The following PRAMEF12 variants were observed in gnomAD, a reference collection of about 807,000 sequenced individuals.
PRAMEF12 encodes PRAME family member 12.
Under a neutral mutation model 24.6 loss-of-function variants are expected in PRAMEF12, and 24 were observed. That is an observed-to-expected ratio of 0.98 (90% CI 0.71 to 1.37). PRAMEF12 has a LOEUF of 1.37. Ranked by LOEUF, PRAMEF12 falls within the 40% of genes most tolerant of loss-of-function variation. PRAMEF12 has a pLI of 0.00. For synonymous variants in PRAMEF12, 286 were observed against 242.6 expected (o/e 1.18, Z -1.66); for missense variants, 646 against 580.3 (o/e 1.11, Z -1.16).
chr1:12,776,878 A>G (rs1639058177), intron 2 of PRAMEF12, 133 bp from the exon 3 acceptor site: 1 of 930,586 alleles, frequency 1.1e-6, no homozygotes, highest in African/African-American at 1.7e-5. Flanking sequence ...GAATGAGCAG[A>G]GTCTCCATTC....
rs949583681 is a variant in PRAMEF12 at position 12,773,856 on chromosome 1, G to GCAGC, written c.-1000_-997dup. ...CCTTAGGGTCATGCCCATCTGATCTGCAGCCAGCCAGCCAGTCAGGGATGG... is the reference window on the plus strand; with the variant it reads ...CCTTAGGGTCATGCCCATCTGATCTGCAGCCAGCCAGCCAGCCAGTCAGGGATGG... On this transcript the variant is annotated 5_prime_UTR_variant, in exon 1 of 3. Transcript: ENST00000357726. Among the ~76,000 whole-genome samples, 6 of 152,196 alleles carry GCAGC rather than the reference G, an allele frequency of 3.9e-5. No homozygotes were observed. Among genetic ancestry groups the GCAGC allele is most frequent in the East Asian group, 1.9e-4 (1 of 5,192 alleles).
Position 12,776,021 on chromosome 1 carries a change from A to C in PRAMEF12, c.766A>C (p.Ile256Leu), listed in dbSNP as rs1040429500. 1.9e-6 allele frequency: 3 copies of C among 1,614,062 alleles called. No individual in the cohort carries two copies. The African/African-American group carries it at 4.0e-5, about 22-fold the overall frequency. Residue 256 changes from isoleucine to leucine, a missense_variant, in exon 2 of 3, where the codon ATC becomes CTC. Coordinates refer to ENST00000357726, the MANE Select transcript of PRAMEF12 (RefSeq NM_001080830.5). ...CCTAGACAGGAAGGAGCAGTTTGTC[A>C]TCCAGTTCACCTCTCAGTTCCTCAA... ...IPLDRKEQFV[I>L]QFTSQFLKLD...
Position 12,776,999 on chromosome 1 carries a change from G to T in PRAMEF12, c.864-12G>T. 1 of 1,605,798 alleles carries T rather than the reference G, an allele frequency of 6.2e-7. No homozygotes were observed. The highest frequency in any genetic ancestry group is 8.5e-7 in the Non-Finnish European group (1 of 1,175,882). ...CACCACTCTCCTCTAACTCCTTCTT[G>T]TTCTCTCCCAGGTGTCTCCAGGCCC... On this transcript the variant is annotated splice_polypyrimidine_tract_variant and intron_variant, in intron 2 of 2. Transcript: ENST00000357726.
rs1332662883 is a variant in PRAMEF12 at position 12,773,758 on chromosome 1, G to A, written c.-1110G>A. Among the ~76,000 whole-genome samples the A allele has an allele frequency of 1.3e-5, 2 of 152,152 alleles. No homozygotes were observed. The highest frequency in any genetic ancestry group is 2.9e-5 in the Non-Finnish European group (2 of 68,036). On this transcript the variant is annotated 5_prime_UTR_variant, in exon 1 of 3. Transcript: ENST00000357726. Reference sequence around the variant, plus strand: ...GAGAGAATCCAAGGCGCTGACACCTGGAGCTACTGCTCGGTTCTCTGAGAG... The same window carrying A: ...GAGAGAATCCAAGGCGCTGACACCTAGAGCTACTGCTCGGTTCTCTGAGAG...
At chr1:12,775,225 G>GT in intron 1 of PRAMEF12, 71 bp downstream of exon 1, 2 of 1,506,710 alleles carry the variant, frequency 1.3e-6, no homozygotes, top group South Asian at 2.6e-5. Flanking sequence ...GTCAGAAGGA[G>GT]TGGGAGGCCC....
chr1:12,776,092 C>G lies in PRAMEF12; in HGVS notation c.837C>G (p.Leu279=), dbSNP rs111797423. The G allele has an allele frequency of 6.2e-7, 1 of 1,614,164 alleles. No homozygotes were observed. Among genetic ancestry groups the G allele is most frequent in the South Asian group, 1.1e-5 (1 of 91,070 alleles). The change falls in exon 2 of 3, where the codon CTC becomes CTG. Residue 279 remains leucine, a synonymous_variant. Transcript: ENST00000357726. ...QKLYMHSVSF[L]EGHLDQLLRC... Reference sequence around the variant, plus strand: ...TTTACATGCACTCTGTCTCTTTCCTCGAAGGCCACCTGGACCAGCTGCTCA... The same window carrying G: ...TTTACATGCACTCTGTCTCTTTCCTGGAAGGCCACCTGGACCAGCTGCTCA...
chr1:12,777,037 T>C lies in PRAMEF12; in HGVS notation c.890T>C (p.Val297Ala). 6.2e-7 allele frequency: 1 copy of C among 1,613,502 alleles called. No homozygotes were observed. The highest frequency in any genetic ancestry group is 8.5e-7 in the Non-Finnish European group (1 of 1,179,712). Reference protein sequence around the residue: ...LRCLQAPLETVVMTECLLSES... With the variant: ...LRCLQAPLETAVMTECLLSES... ...TGTCTCCAGGCCCCCTTGGAGACAG[T>C]CGTAATGACCGAATGCCTGCTGTCA... The change falls in exon 3 of 3, where the codon GTC becomes GCC. Residue 297 changes from valine (V) to alanine (A), a missense_variant. Physicochemically the swap from Val to Ala is moderately conservative, Grantham distance 64. Coordinates refer to ENST00000357726, the MANE Select transcript of PRAMEF12 (RefSeq NM_001080830.5).
chr1:12,776,951 A>G (rs1639058855), intron 2 of PRAMEF12, 60 bp from the exon 3 acceptor site: 4 of 1,515,684 alleles, frequency 2.6e-6, no homozygotes, highest in Admixed American at 3.8e-5. Context: ...GAAAAGTGTC[A>G]TCTCTCACCT....
At position 12,774,713 on chromosome 1, in the gene PRAMEF12, C is replaced by A; in HGVS notation, c.-155C>A. 2 of 690,404 alleles carry A rather than the reference C, an allele frequency of 2.9e-6. No homozygotes were observed. The highest frequency in any genetic ancestry group is 4.8e-6 in the Non-Finnish European group (2 of 419,080). The allele number at this position is 690,404 out of a possible 1,614,324, so 42.8% of individuals were successfully genotyped here. On this transcript the variant is annotated 5_prime_UTR_variant, in exon 1 of 3. Coordinates refer to ENST00000357726, the MANE Select transcript of PRAMEF12 (RefSeq NM_001080830.5). Reference sequence around the variant, plus strand: ...ACATTCTTTATGGTACCAGCAAGGGCAGAATTACAGATTTGTGTCCAGAAA... The same window carrying A: ...ACATTCTTTATGGTACCAGCAAGGGAAGAATTACAGATTTGTGTCCAGAAA...
intron 1 of PRAMEF12, 129 bp from the exon 2 acceptor site, chr1:12,775,414 G>A: frequency 9.4e-7 from 1 of 1,065,450 alleles, no homozygotes; most frequent in Non-Finnish European, 1.4e-6. Context: ...AGGTTTCAAG[G>A]AGAAAGAGGG....
chr1:12,776,758 G>C (rs1372706070), intron 2 of PRAMEF12, among the ~76,000 whole-genome samples: 1 of 152,164 alleles, frequency 6.6e-6, no homozygotes, highest in Non-Finnish European at 1.5e-5. Context: ...CTGTGGCCCA[G>C]AGATGTGGTT....
intron 1 of PRAMEF12, 23 bp from the exon 2 acceptor site, chr1:12,775,519 GC>G: frequency 1.3e-6 from 2 of 1,576,038 alleles, no homozygotes; most frequent in Non-Finnish European, 1.7e-6. Context: ...TAAATTTGGA[GC>G]CTCTCTTCTC....
chr1:12,775,549 G>A lies in PRAMEF12; in HGVS notation c.294G>A (p.Trp98Ter), dbSNP rs1569699816. The A allele has an allele frequency of 6.2e-7, 1 of 1,607,086 alleles. No individual in the cohort carries two copies. The highest frequency in any genetic ancestry group is 8.5e-7 in the Non-Finnish European group (1 of 1,175,638). The change falls in exon 2 of 3, where the codon TGG becomes TGA. Residue 98 changes from tryptophan to a stop codon, truncating the protein, a stop_gained. Transcript: ENST00000357726. LOFTEE classifies it high-confidence loss of function. ...TCTTCTCTTTTACCCACAGGCGGTGGAAACTTCAAGTGTTGGACTTGCGGA... is the reference window on the plus strand; with the variant it reads ...TCTTCTCTTTTACCCACAGGCGGTGAAAACTTCAAGTGTTGGACTTGCGGA... ...LLAQKVRPRR[W>*]KLQVLDLRNV...
Position 12,773,771 on chromosome 1 carries a change from G to A in PRAMEF12, c.-1097G>A, listed in dbSNP as rs542577878. ...GCGCTGACACCTGGAGCTACTGCTCGGTTCTCTGAGAGGTTGCAGCACCCT... is the reference window on the plus strand; with the variant it reads ...GCGCTGACACCTGGAGCTACTGCTCAGTTCTCTGAGAGGTTGCAGCACCCT... On this transcript the variant is annotated 5_prime_UTR_variant, in exon 1 of 3. Transcript: ENST00000357726. 6.6e-6 allele frequency among the ~76,000 whole-genome samples: 1 copy of A among 152,126 alleles called. No individual in the cohort carries two copies.
In PRAMEF12 at chr1:12,774,829, T is replaced by G. The variant is rs915377127; in HGVS notation, c.-39T>G. 3.9e-6 allele frequency: 6 copies of G among 1,539,290 alleles called. No individual in the cohort carries two copies. In the African/African-American group the frequency reaches 8.3e-5, roughly 21 times the overall value. On this transcript the variant is annotated 5_prime_UTR_variant, in exon 1 of 3. Coordinates refer to ENST00000357726, the MANE Select transcript of PRAMEF12 (RefSeq NM_001080830.5). ...TAGGAGATGATGAAGTGATGTGATTTGCCGTAAGAATGATGTTTTTTTCTC... is the reference window on the plus strand; with the variant it reads ...TAGGAGATGATGAAGTGATGTGATTGGCCGTAAGAATGATGTTTTTTTCTC...
Position 12,775,871 on chromosome 1 carries a change from C to G in PRAMEF12, c.616C>G (p.Gln206Glu). The G allele has an allele frequency of 6.2e-7, 1 of 1,613,960 alleles. No individual in the cohort carries two copies. Residue 206 changes from glutamine to glutamate, a missense_variant, in exon 2 of 3, where the codon CAG (glutamine) becomes GAG (glutamate). Physicochemically the swap from Gln to Glu is conservative, Grantham distance 29 (BLOSUM62 2). Coordinates refer to ENST00000357726, the MANE Select transcript of PRAMEF12 (RefSeq NM_001080830.5). The stretch of plus-strand genomic sequence containing the variant: ...GAACACGGTGGAGCTAGACTGTATC[C>G]AGGAGGTGGAAGTGTGCTGCCCGTG... ...VLNTVELDCI[Q>E]EVEVCCPWEL...
chr1:12,774,925 G>A lies in PRAMEF12; in HGVS notation c.58G>A (p.Asp20Asn), dbSNP rs1639024905. The A allele has an allele frequency of 1.2e-6, 2 of 1,614,042 alleles. No individual in the cohort carries two copies. The highest frequency in any genetic ancestry group is 1.7e-6 in the Non-Finnish European group (2 of 1,179,960). Residue 20 changes from aspartate (D) to asparagine (N), a missense_variant, in exon 1 of 3, where the codon GAC becomes AAC. By Grantham distance (23) the Asp-to-Asn change is conservative (BLOSUM62 1). Coordinates refer to ENST00000357726, the MANE Select transcript of PRAMEF12 (RefSeq NM_001080830.5). Reference sequence around the variant, plus strand: ...GCTGGCTGAGCAGAGTCTGCTGAGAGACCGGGCCTTGGCCATCCCCACCCT... The same window carrying A: ...GCTGGCTGAGCAGAGTCTGCTGAGAAACCGGGCCTTGGCCATCCCCACCCT... ...LELAEQSLLR[D>N]RALAIPTLEE...
rs200113689 is a variant in PRAMEF12, at chr1:12,777,509, C to T, written c.1362C>T (p.Val454=). The T allele has an allele frequency of 0.011, 16,313 of 1,548,342 alleles. No homozygotes were observed. The highest frequency in any genetic ancestry group is 0.045 in the East Asian group (1,925 of 42,524). Residue 454 remains valine (V), a synonymous_variant, in exon 3 of 3, where the codon GTC becomes GTT. Transcript: ENST00000357726. ...CCAAGATAATTGTGTTCAGCACTGT[C>T]CCCTGCCCTCGCTGTGGCATCAGGG... is the stretch of plus-strand genomic sequence containing the variant. ...RQPKIIVFST[V]PCPRCGIRAS... is the part of the protein sequence containing the mutation.
Position 12,776,969 on chromosome 1 carries a change from T to A in PRAMEF12, c.864-42T>A, listed in dbSNP as rs769699029. 2.9e-5 allele frequency: 45 copies of A among 1,561,804 alleles called. No homozygotes were observed. The Admixed American group carries it at 4.7e-4, about 16-fold the overall frequency. On this transcript the variant is annotated intron_variant, in intron 2 of 2. Transcript: ENST00000357726. ...AAGTGTCATCTCTCACCTTGAGGTC[T>A]TCCCCACCACTCTCCTCTAACTCCT...
Sources: allele counts gnomAD v4.1 joint callset (sites outside exome capture counted in the v4.1 genomes callset), GRCh38; gene constraint gnomAD v4.1.1; transcripts MANE v1.5; gene names NCBI Gene and HGNC (gene_info 2026-07-23, HGNC 2026-07-21).